Variants in BMI1 observed in about 807,000 individuals in gnomAD.
BMI1 encodes polycomb complex protein BMI-1.
Under a neutral mutation model 39.1 loss-of-function variants are expected in BMI1, and 9 were observed. The ratio of observed to expected loss-of-function variants is 0.23; its 90% CI spans 0.14 to 0.40. BMI1 has a LOEUF of 0.40. Ranked by LOEUF, BMI1 falls within the 10% of genes least tolerant of loss-of-function variation. The probability of loss-of-function intolerance (pLI) is 1.00; values close to 1 mark genes in which losing one functional copy is unlikely to be tolerated. For missense variants in BMI1, 252 were observed against 390.8 expected, an observed-to-expected ratio of 0.64 and a Z score of 2.99; for synonymous variants, 131 against 127.9, an observed-to-expected ratio of 1.02 and a Z score of -0.16.
chr10:22,327,936 C>T lies in BMI1; in HGVS notation c.317-14C>T. 6.3e-7 allele frequency: 1 copy of T among 1,589,814 alleles called. No homozygotes were observed. The highest frequency in any genetic ancestry group is 8.5e-7 in the Non-Finnish European group (1 of 1,173,498). ...TCTGATTTTTAAAAATTACATTTCA[C>T]TATATCGTTATAGCTGCCAATGGCT... On this transcript the variant is annotated splice_polypyrimidine_tract_variant and intron_variant, in intron 5 of 9. Coordinates refer to ENST00000376663, the MANE Select transcript of BMI1 (RefSeq NM_005180.9).
At chr10:22,322,062 G>C (rs1836018482) in intron 1 of BMI1, 1 of 151,112 alleles carries the variant, frequency 6.6e-6, no homozygotes, top group Non-Finnish European at 1.5e-5. Context: ...TTAGTTCCCC[G>C]CTCCCCCGGG....
chr10:22,328,238 C>T, intron 7 of BMI1, 59 bp downstream of exon 7: 1 of 1,544,316 alleles, frequency 6.5e-7, no homozygotes, highest in South Asian at 1.3e-5. Flanking sequence ...CAGATTTTAT[C>T]AGGGATTGTG....
chr10:22,321,998 G>T, intron 1 of BMI1: 1 of 145,926 alleles, frequency 6.9e-6, no homozygotes, highest in South Asian at 2.1e-4. Flanking sequence ...GCTCGGCGCC[G>T]CTCCAGCCGC....
At position 22,329,842 on chromosome 10, in the gene BMI1, G is replaced by A. The variant is rs893936653; in HGVS notation, c.*300G>A. ...CATTGTTTGGATTTGGAAGTACTCT[G>A]CAGTGGACATAAGCATTGGGCCATA... On this transcript the variant is annotated 3_prime_UTR_variant, in exon 10 of 10. Transcript: ENST00000376663. 1.2e-5 allele frequency: 4 copies of A among 329,562 alleles called. No homozygotes were observed. The highest frequency in any genetic ancestry group is 8.4e-5 in the African/African-American group (4 of 47,364). The allele number at this position is 329,562 out of a possible 1,614,324, so 20.4% of individuals were successfully genotyped here.
chr10:22,328,831 T>A (rs1836220393), intron 8 of BMI1, 133 bp downstream of exon 8: 2 of 1,046,152 alleles, frequency 1.9e-6, no homozygotes, highest in Non-Finnish European at 2.7e-6. Context: ...GAAATTTATC[T>A]TAAAACATTT....
intron 1 of BMI1, chr10:22,325,623 T>G (rs1002748376): frequency 1.1e-3 from 68 of 63,094 alleles, no homozygotes; most frequent in African/African-American, 3.1e-3. Flanking sequence ...GCGCCGCCCC[T>G]CCCCCGCCCG....
chr10:22,327,008 TTG>T lies in BMI1; in HGVS notation c.209+24_209+25del, dbSNP rs747900028. The T allele has an allele frequency of 3.7e-6, 6 of 1,606,200 alleles. No homozygotes were observed. The East Asian group carries it at 1.3e-4, about 36-fold the overall frequency. ...TAAGGTAGGAAACTGTTGAAATTCC[TTG>T]TTTGTAATTATTATTGGAGTTGTAT... On this transcript the variant is annotated intron_variant, in intron 3 of 9. Transcript: ENST00000376663.
rs1026460383 is a variant in BMI1 at position 22,328,520 on chromosome 10, T to C, written c.472-80T>C. The C allele has an allele frequency of 2.1e-6, 3 of 1,459,648 alleles. No homozygotes were observed. The African/African-American group carries it at 4.3e-5, about 21-fold the overall frequency. 90.4% of individuals were successfully genotyped at this position (1,459,648 alleles called of 1,614,324 possible). The stretch of plus-strand genomic sequence containing the variant: ...CAATTTTGTTTGATACTAGTATCTT[T>C]TATATTCAAGCAATCAAATTGAAAC... On this transcript the variant is annotated intron_variant, in intron 7 of 9. Coordinates refer to ENST00000376663, the MANE Select transcript of BMI1 (RefSeq NM_005180.9).
chr10:22,328,878 C>T (rs1343474624), intron 8 of BMI1, among the ~76,000 whole-genome samples, 170 bp from the exon 9 acceptor site: 3 of 152,098 alleles, frequency 2.0e-5, no homozygotes, highest in African/African-American at 7.2e-5. Flanking sequence ...AAACAAATCC[C>T]TTAACACTCT....
Position 22,329,778 on chromosome 10 carries a change from TTC to T in BMI1, c.*240_*241del, listed in dbSNP as rs1836244011. The T allele has an allele frequency of 1.3e-5, 7 of 525,430 alleles. No homozygotes were observed. The Admixed American group carries it at 2.1e-4, about 16-fold the overall frequency. The allele number at this position is 525,430 out of a possible 1,614,324, so 32.5% of individuals were successfully genotyped here. A position where few individuals can be genotyped will look rare whatever the true frequency, so the allele number is the denominator to read the frequency against. ...TTTCTTGGAAAGCAGGCAAGACTTT[TTC>T]TCTGTGTTAGGAAAGATGGGAAATG... On this transcript the variant is annotated 3_prime_UTR_variant, in exon 10 of 10. Transcript: ENST00000376663.
intron 1 of BMI1, among the ~76,000 whole-genome samples, chr10:22,323,293 C>A (rs1466552797): frequency 6.6e-6 from 1 of 152,148 alleles, no homozygotes; most frequent in Admixed American, 6.5e-5. Context: ...TGAGTTAATT[C>A]CATACATCTA....
chr10:22,322,570 C>A (rs949876104), intron 1 of BMI1, among the ~76,000 whole-genome samples: 1 of 152,108 alleles, frequency 6.6e-6, no homozygotes, highest in Admixed American at 6.6e-5. Context: ...AAATTTGGAG[C>A]TTTTTGTGGA....
Position 22,328,604 on chromosome 10 carries a change from A to C in BMI1, c.476A>C (p.Asn159Thr). The C allele has an allele frequency of 6.3e-7, 1 of 1,591,312 alleles. No homozygotes were observed. The highest frequency in any genetic ancestry group is 8.5e-7 in the Non-Finnish European group (1 of 1,172,560). Residue 159 changes from asparagine to threonine, a missense_variant, in exon 8 of 10, where the codon AAT becomes ACT. Around this residue, in one of 4 missense-constraint regions of BMI1, gnomAD observed 67 missense variants for 69.9 expected, o/e 0.96. Coordinates refer to ENST00000376663, the MANE Select transcript of BMI1 (RefSeq NM_005180.9). ...KDKEKSKEEV[N>T]DKRYLRCPAA... The stretch of plus-strand genomic sequence containing the variant: ...CTTTTCTAAATGTACTTTTAGGTGA[A>C]TGATAAAAGATACTTACGATGCCCA...
intron 3 of BMI1, 87 bp from the exon 4 acceptor site, chr10:22,327,508 T>C: frequency 1.5e-6 from 2 of 1,313,062 alleles, no homozygotes; most frequent in Admixed American, 2.3e-5. Context: ...TAAAATATTA[T>C]AGCACAAAAG....
chr10:22,329,447 A>G lies in BMI1; in HGVS notation c.886A>G (p.Thr296Ala). 1.2e-6 allele frequency: 2 copies of G among 1,614,170 alleles called. No individual in the cohort carries two copies. Among genetic ancestry groups the G allele is most frequent in the Non-Finnish European group, 1.7e-6 (2 of 1,180,028 alleles). Reference sequence around the variant, plus strand: ...TCACATTTCCAGTACTATGAATGGAACCAGCAACAGCCCCAGCGGTAACCA... The same window carrying G: ...TCACATTTCCAGTACTATGAATGGAGCCAGCAACAGCCCCAGCGGTAACCA... ...FPHISSTMNGTSNSPSGNHQS... is the reference protein window; with the variant it reads ...FPHISSTMNGASNSPSGNHQS... Residue 296 changes from threonine to alanine, a missense_variant, in exon 10 of 10, where the codon ACC becomes GCC. Physicochemically the swap from Thr to Ala is moderately conservative, Grantham distance 58 (BLOSUM62 0). Around this residue, in one of 4 missense-constraint regions of BMI1, gnomAD observed 96 missense variants for 120.2 expected, o/e 0.80. Transcript: ENST00000376663.
At position 22,329,571 on chromosome 10, in the gene BMI1, T is replaced by G; in HGVS notation, c.*29T>G. On this transcript the variant is annotated 3_prime_UTR_variant, in exon 10 of 10. Coordinates refer to ENST00000376663, the MANE Select transcript of BMI1 (RefSeq NM_005180.9). ...CTGAGACTGTTAAGGAAAAAAATTT[T>G]AAACCCCTGATTTATATAGATATCT... The G allele has an allele frequency of 6.2e-7, 1 of 1,602,146 alleles. No homozygotes were observed. The highest frequency in any genetic ancestry group is 1.3e-5 in the African/African-American group (1 of 74,460).
chr10:22,322,535 G>A (rs1836032693), intron 1 of BMI1, among the ~76,000 whole-genome samples: 1 of 152,188 alleles, frequency 6.6e-6, no homozygotes, highest in African/African-American at 2.4e-5. Context: ...CGCTTGGGAG[G>A]TGCTCCCTGG....
At chr10:22,326,181 C>G (rs1402934905) in intron 1 of BMI1, 3 of 403,208 alleles carry the variant, frequency 7.4e-6, no homozygotes, top group Non-Finnish European at 8.9e-6. Context: ...TCCCAGCCCC[C>G]ACCCCAGACT....
chr10:22,329,085 A>T lies in BMI1; in HGVS notation c.608A>T (p.Tyr203Phe). Residue 203 changes from tyrosine (Y) to phenylalanine (F), a missense_variant, in exon 9 of 10, where the codon TAT (tyrosine) becomes TTT (phenylalanine). Physicochemically the swap from Tyr to Phe is conservative, Grantham distance 22. Coordinates refer to ENST00000376663, the MANE Select transcript of BMI1 (RefSeq NM_005180.9). Reference protein sequence around the residue: ...VMYEEEPLKDYYTLMDIAYIY... With the variant: ...VMYEEEPLKDFYTLMDIAYIY... ...TATGAGGAGGAACCTTTAAAGGATT[A>T]TTATACACTAATGGATATTGCCTAC... The T allele has an allele frequency of 6.2e-7, 1 of 1,612,410 alleles. No individual in the cohort carries two copies.
Sources: gnomAD v4.1 joint callset for allele counts (sites outside exome capture counted in the v4.1 genomes callset) on GRCh38, gnomAD v4.1.1 for gene constraint, gnomAD v4.1.1 regional missense constraint, MANE v1.5 for transcripts, NCBI Gene and HGNC (gene_info 2026-07-23, HGNC 2026-07-21) for gene names.